The following PDE8A variants were observed in gnomAD, a reference collection of about 807,000 sequenced individuals.
The protein encoded by PDE8A is phosphodiesterase 8A.
A neutral mutation model predicts 105.0 loss-of-function variants in PDE8A; 59 were observed. The observed-to-expected ratio is 0.56, with a 90% CI of 0.46 to 0.70. The LOEUF (loss-of-function observed/expected upper bound fraction) is 0.70, where lower values mean the gene tolerates loss of function less well. PDE8A is among the 30% of genes least tolerant of loss of function. The probability of loss-of-function intolerance (pLI) is 0.00; values close to 1 mark genes in which losing one functional copy is unlikely to be tolerated. For synonymous variants in PDE8A, 355 were observed against 371.9 expected, an observed-to-expected ratio of 0.95 and a Z score of 0.52; for missense variants, 1,014 against 1,045.9, an observed-to-expected ratio of 0.97 and a Z score of 0.42.
Position 85,067,131 on chromosome 15 carries a change from C to T in PDE8A, c.361C>T (p.Leu121=), listed in dbSNP as rs747931856. The T allele has an allele frequency of 4.3e-6, 7 of 1,613,978 alleles. No homozygotes were observed. Among genetic ancestry groups the T allele is most frequent in the Non-Finnish European group, 5.9e-6 (7 of 1,179,914 alleles). Residue 121 remains leucine (L), a synonymous_variant, in exon 3 of 22, where the codon CTG becomes TTG. Transcript: ENST00000394553. ...GGCTCAGGCTGTCCTTGCCTGTTTCCTGGACAAACATCATGACATTATCAT... is the reference window on the plus strand; with the variant it reads ...GGCTCAGGCTGTCCTTGCCTGTTTCTTGGACAAACATCATGACATTATCAT... ...KEAQAVLACF[L]DKHHDIIIID...
At chr15:85,000,201 G>A (rs2080045490) in intron 1 of PDE8A, among the ~76,000 whole-genome samples, 1 of 152,174 alleles carries the variant, frequency 6.6e-6, no homozygotes, top group Non-Finnish European at 1.5e-5. Context: ...CCTTAGAAGT[G>A]ACAGACTTTT....
intron 1 of PDE8A, among the ~76,000 whole-genome samples, chr15:84,984,159 A>T (rs565228400): frequency 1.3e-5 from 2 of 152,224 alleles, no homozygotes; most frequent in Non-Finnish European, 2.9e-5. Flanking sequence ...GTAGACTTCA[A>T]AATAATAGTA....
chr15:84,990,480 T>G (rs2079870363), intron 1 of PDE8A, among the ~76,000 whole-genome samples: 1 of 152,260 alleles, frequency 6.6e-6, no homozygotes, highest in Non-Finnish European at 1.5e-5. Context: ...AATAGAACCT[T>G]ACAGTCTATT....
chr15:85,089,586 C>G (rs2081608851), intron 7 of PDE8A, among the ~76,000 whole-genome samples, 170 bp downstream of exon 7: 2 of 151,934 alleles, frequency 1.3e-5, no homozygotes, highest in Admixed American at 1.3e-4. Context: ...AAAATAAGCT[C>G]TCTATAGATT....
At chr15:85,052,973 CTT>C (rs1403457789) in intron 1 of PDE8A, among the ~76,000 whole-genome samples, 1 of 152,126 alleles carries the variant, frequency 6.6e-6, no homozygotes, top group African/African-American at 2.4e-5. Flanking sequence ...ACATTTAAGT[CTT>C]TAATCCATCT....
chr15:85,060,925 C>T (rs1285575149), intron 1 of PDE8A, among the ~76,000 whole-genome samples: 3 of 152,078 alleles, frequency 2.0e-5, no homozygotes, highest in African/African-American at 4.8e-5. Context: ...TGTCTAGTGT[C>T]CTTTTATTTT....
At chr15:85,002,475 A>G (rs1409928577) in intron 1 of PDE8A, among the ~76,000 whole-genome samples, 1 of 152,186 alleles carries the variant, frequency 6.6e-6, no homozygotes, top group Non-Finnish European at 1.5e-5. Context: ...TGGCATGTGG[A>G]TGTGTTCTTG....
intron 20 of PDE8A, among the ~76,000 whole-genome samples, chr15:85,131,580 T>C (rs942463170): frequency 2.6e-5 from 4 of 152,254 alleles, no homozygotes; most frequent in African/African-American, 4.8e-5. Context: ...GTAATATCTT[T>C]ATACATTATA....
At chr15:85,080,056 A>G (rs2081441023) in intron 5 of PDE8A, among the ~76,000 whole-genome samples, 1 of 152,252 alleles carries the variant, frequency 6.6e-6, no homozygotes, top group Admixed American at 6.5e-5. Flanking sequence ...AGCTTAAGTA[A>G]AAGAACATAG....
chr15:85,060,218 T>A (rs1281257374), intron 1 of PDE8A, among the ~76,000 whole-genome samples: 2 of 152,208 alleles, frequency 1.3e-5, no homozygotes, highest in Non-Finnish European at 2.9e-5. Context: ...ATGGTTAGCA[T>A]GGGGATTATA....
At chr15:85,030,050 G>C (rs1418792906) in intron 1 of PDE8A, among the ~76,000 whole-genome samples, 3 of 152,156 alleles carry the variant, frequency 2.0e-5, no homozygotes. Context: ...AGGGAAAAAT[G>C]ATGTTGAGAA....
chr15:85,000,323 A>C (rs576577530), intron 1 of PDE8A, among the ~76,000 whole-genome samples: 5 of 152,326 alleles, frequency 3.3e-5, no homozygotes, highest in African/African-American at 1.2e-4. Context: ...GATAATGGAA[A>C]AATAAACAGG....
chr15:85,069,068 A>C (rs16974764), intron 3 of PDE8A, among the ~76,000 whole-genome samples: 4 of 152,194 alleles, frequency 2.6e-5, no homozygotes, highest in Admixed American at 2.6e-4. Flanking sequence ...CTTGTCTTCT[A>C]TGAGCTTATA....
intron 1 of PDE8A, among the ~76,000 whole-genome samples, chr15:85,019,187 A>G (rs964373710): frequency 3.9e-5 from 6 of 152,192 alleles, no homozygotes; most frequent in Non-Finnish European, 8.8e-5. Context: ...TGTAAGGGAA[A>G]TGTATATGAG....
chr15:85,015,233 T>C (rs2080305149), intron 1 of PDE8A, among the ~76,000 whole-genome samples: 2 of 131,882 alleles, frequency 1.5e-5, no homozygotes, highest in Middle Eastern at 7.4e-3. Flanking sequence ...TATATGACCT[T>C]GTGCATAAGT....
intron 1 of PDE8A, among the ~76,000 whole-genome samples, chr15:85,038,751 C>G (rs976215253): frequency 6.6e-6 from 1 of 152,166 alleles, no homozygotes; most frequent in African/African-American, 2.4e-5. Context: ...CTCAACACCT[C>G]TAATCATCAG....
At chr15:85,122,715 G>A (rs182072403) in intron 18 of PDE8A, among the ~76,000 whole-genome samples, 2 of 152,292 alleles carry the variant, frequency 1.3e-5, no homozygotes, top group Admixed American at 6.5e-5. Flanking sequence ...TCAGAAGATC[G>A]GTCCTCACAT....
chr15:85,044,195 A>G (rs1022779061), intron 1 of PDE8A, among the ~76,000 whole-genome samples: 3 of 152,218 alleles, frequency 2.0e-5, no homozygotes, highest in Non-Finnish European at 4.4e-5. Context: ...TTTAATCTGG[A>G]TATCATTTTT....
chr15:85,041,000 C>T (rs2080798462), intron 1 of PDE8A, among the ~76,000 whole-genome samples: 1 of 152,118 alleles, frequency 6.6e-6, no homozygotes, highest in African/African-American at 2.4e-5. Flanking sequence ...TAACCCCCTG[C>T]CACCACACAT....
Sources: allele counts gnomAD v4.1 joint callset (sites outside exome capture counted in the v4.1 genomes callset), GRCh38; gene constraint gnomAD v4.1.1; transcripts MANE v1.5; gene names NCBI Gene and HGNC (gene_info 2026-07-23, HGNC 2026-07-21).